Variants in RFWD3 observed in about 807,000 individuals in gnomAD.
RFWD3 encodes E3 ubiquitin-protein ligase RFWD3.
RFWD3 carries 65 observed loss-of-function variants against 87.7 expected under a neutral mutation model. The observed-to-expected ratio is 0.74, with a 90% CI of 0.61 to 0.91. The LOEUF is 0.91. RFWD3 is among the 40% of genes least tolerant of loss of function. The probability of loss-of-function intolerance (pLI) is 0.00; values close to 1 mark genes in which losing one functional copy is unlikely to be tolerated. For synonymous variants in RFWD3, 433 were observed against 352.8 expected (o/e 1.23, Z -2.55); for missense variants, 1,078 against 938.5 (o/e 1.15, Z -1.94).
chr16:74,626,735 C>T (rs1305153519), intron 11 of RFWD3, among the ~76,000 whole-genome samples, 181 bp from the exon 12 acceptor site: 1 of 152,088 alleles, frequency 6.6e-6, no homozygotes, highest in African/African-American at 2.4e-5. Context: ...AATTTAGAAC[C>T]GTAGGCTAGC....
intron 6 of RFWD3, among the ~76,000 whole-genome samples, chr16:74,638,522 AAC>A (rs1250105975): frequency 5.3e-5 from 8 of 152,220 alleles, no homozygotes; most frequent in East Asian, 1.9e-4. Context: ...TGTACCTAAA[AAC>A]AGTCTCAAAA....
At chr16:74,663,208 C>T (rs1567589730) in intron 1 of RFWD3, among the ~76,000 whole-genome samples, 1 of 152,068 alleles carries the variant, frequency 6.6e-6, no homozygotes, top group Non-Finnish European at 1.5e-5. Context: ...CCGGCCAATA[C>T]TCATGTTTCT....
At chr16:74,640,946 A>T (rs1959589413) in intron 6 of RFWD3, among the ~76,000 whole-genome samples, 1 of 152,148 alleles carries the variant, frequency 6.6e-6, no homozygotes, top group Admixed American at 6.5e-5. Context: ...CTCAAAATAA[A>T]TAAAATTCAC....
intron 2 of RFWD3, among the ~76,000 whole-genome samples, chr16:74,656,327 A>C (rs572225133): frequency 6.6e-6 from 1 of 151,290 alleles, no homozygotes; most frequent in African/African-American, 2.4e-5. Flanking sequence ...AAAAAAAAAA[A>C]AAAAGAAAAG....
chr16:74,645,186 C>T (rs1362017874), intron 4 of RFWD3, among the ~76,000 whole-genome samples: 2 of 152,208 alleles, frequency 1.3e-5, no homozygotes, highest in Non-Finnish European at 2.9e-5. Context: ...TGTCTGATGA[C>T]ACCAAGCACT....
At chr16:74,637,560 G>C (rs1268055706) in intron 7 of RFWD3, among the ~76,000 whole-genome samples, 2 of 152,096 alleles carry the variant, frequency 1.3e-5, no homozygotes, top group African/African-American at 4.8e-5. Flanking sequence ...TTGAACCCAG[G>C]AGACAGAGGT....
chr16:74,653,884 T>A (rs1272085326), intron 2 of RFWD3, among the ~76,000 whole-genome samples: 1 of 152,178 alleles, frequency 6.6e-6, no homozygotes, highest in Non-Finnish European at 1.5e-5. Flanking sequence ...TCCAACTCAA[T>A]AGACAGAAGA....
In RFWD3 at chr16:74,661,093, T is replaced by C; in HGVS notation, c.357A>G (p.Ser119=). Residue 119 remains serine (S), a synonymous_variant, in exon 2 of 13, where the codon TCA becomes TCG. Coordinates refer to ENST00000361070, the MANE Select transcript of RFWD3 (RefSeq NM_018124.4). ...GCAGTCCGCTGATGAAGTTGGTCAT[T>C]GAATGCAACGAAGATGCTGGGATGG... ...NHTIPASSLH[S]MTNFISGLQR... 6.2e-7 allele frequency: 1 copy of C among 1,614,220 alleles called. No homozygotes were observed. The highest frequency in any genetic ancestry group is 8.5e-7 in the Non-Finnish European group (1 of 1,180,042).
chr16:74,637,122 TAAA>T (rs759556308), intron 7 of RFWD3, among the ~76,000 whole-genome samples: 2 of 101,800 alleles, frequency 2.0e-5, no homozygotes, highest in Non-Finnish European at 1.9e-5. Flanking sequence ...TAAAGTCCTT[TAAA>T]AAAAAAAAAA....
chr16:74,642,445 A>C (rs1555526731), intron 6 of RFWD3, among the ~76,000 whole-genome samples: 2 of 151,506 alleles, frequency 1.3e-5, no homozygotes, highest in Non-Finnish European at 2.9e-5. Flanking sequence ...TCTATAATTA[A>C]CTTCTTCTTC....
rs745338388 is a variant in RFWD3, at chr16:74,630,974, G to C, written c.1578-17C>G. On this transcript the variant is annotated splice_polypyrimidine_tract_variant and intron_variant, in intron 9 of 12. Coordinates refer to ENST00000361070, the MANE Select transcript of RFWD3 (RefSeq NM_018124.4). Reference sequence around the variant, plus strand: ...GTCTCCAGGCTGTGGAGTTACAAAAGACTTTTACAACTGCATTAAGAAAAT... The same window carrying C: ...GTCTCCAGGCTGTGGAGTTACAAAACACTTTTACAACTGCATTAAGAAAAT... 1.3e-6 allele frequency: 2 copies of C among 1,592,414 alleles called. No individual in the cohort carries two copies. The highest frequency in any genetic ancestry group is 1.7e-6 in the Non-Finnish European group (2 of 1,173,246).
chr16:74,646,941 A>G (rs1960195540), intron 4 of RFWD3, among the ~76,000 whole-genome samples: 1 of 151,392 alleles, frequency 6.6e-6, no homozygotes, highest in African/African-American at 2.4e-5. Flanking sequence ...CAACAAAATT[A>G]GCCAGGTGTG....
chr16:74,650,387 TGG>T (rs1030009569), intron 3 of RFWD3, among the ~76,000 whole-genome samples: 9 of 150,438 alleles, frequency 6.0e-5, no homozygotes, highest in African/African-American at 2.2e-4. Flanking sequence ...GGTGGGGGGC[TGG>T]TGTGTGTGTG....
At chr16:74,666,216 A>ATTGATT (rs1567591822) in intron 1 of RFWD3, 6 of 120,364 alleles carry the variant, frequency 5.0e-5, no homozygotes, top group African/African-American at 2.1e-4. Flanking sequence ...ATAGATAGAT[A>ATTGATT]GATAGATTGA....
In RFWD3 at chr16:74,636,504, C is replaced by G. The variant is rs1282333010; in HGVS notation, c.1268G>C (p.Ser423Thr). Residue 423 changes from serine (S) to threonine (T), a missense_variant, in exon 8 of 13, where the codon AGC becomes ACC. Coordinates refer to ENST00000361070, the MANE Select transcript of RFWD3 (RefSeq NM_018124.4). ...CTGGCCCTGGCTGGAGGGTGAGCAG[C>G]TCAGGACCCATGCTTGGGAGCCCCT... Reference protein sequence around the residue: ...QPRGSQAWVLSCSPSSQGQHK... With the variant: ...QPRGSQAWVLTCSPSSQGQHK... 2 of 1,613,900 alleles carry G rather than the reference C, an allele frequency of 1.2e-6. No individual in the cohort carries two copies. Among genetic ancestry groups the G allele is most frequent in the South Asian group, 1.1e-5 (1 of 91,064 alleles).
chr16:74,645,792 G>A (rs1368240238), intron 4 of RFWD3, among the ~76,000 whole-genome samples: 2 of 115,900 alleles, frequency 1.7e-5, no homozygotes, highest in Admixed American at 2.6e-4. Flanking sequence ...TCGCTCTGTC[G>A]CCCAGGCTGG....
chr16:74,647,788 C>T (rs891976002), intron 4 of RFWD3, among the ~76,000 whole-genome samples: 6 of 152,248 alleles, frequency 3.9e-5, no homozygotes, highest in East Asian at 3.9e-4. Flanking sequence ...GATGGGGTTT[C>T]GCCATGTTGG....
intron 3 of RFWD3, among the ~76,000 whole-genome samples, chr16:74,651,248 T>A (rs1443714741): frequency 6.6e-6 from 1 of 152,190 alleles, no homozygotes; most frequent in Non-Finnish European, 1.5e-5. Flanking sequence ...TCCACTTGCA[T>A]AACACATAAC....
chr16:74,638,015 A>G, intron 6 of RFWD3, 45 bp from the exon 7 acceptor site: 1 of 1,323,348 alleles, frequency 7.6e-7, no homozygotes, highest in Non-Finnish European at 1.1e-6. Flanking sequence ...GGAAGGCTAC[A>G]GAAGACTTCC....
Sources: allele counts gnomAD v4.1 joint callset (sites outside exome capture counted in the v4.1 genomes callset), GRCh38; gene constraint gnomAD v4.1.1; transcripts MANE v1.5; gene names NCBI Gene and HGNC (gene_info 2026-07-23, HGNC 2026-07-21).